The following KCTD20 variants were observed in gnomAD, a reference collection of about 807,000 sequenced individuals.
KCTD20 encodes BTB/POZ domain-containing protein KCTD20.
Under a neutral mutation model 39.6 loss-of-function variants are expected in KCTD20, and 30 were observed. The ratio of observed to expected loss-of-function variants is 0.76; its 90% CI spans 0.57 to 1.03. The LOEUF is 1.03. KCTD20 is among the 50% of genes least tolerant of loss of function. KCTD20 has a pLI of 0.00. For synonymous variants in KCTD20, 162 were observed against 180.6 expected, an observed-to-expected ratio of 0.90 and a Z score of 0.83; for missense variants, 422 against 522.0, an observed-to-expected ratio of 0.81 and a Z score of 1.87.
At chr6:36,485,835 G>T (rs1390354737) in intron 7 of KCTD20, among the ~76,000 whole-genome samples, 2 of 151,870 alleles carry the variant, frequency 1.3e-5, no homozygotes, top group Non-Finnish European at 2.9e-5. Context: ...TGCTACTCTT[G>T]TTGCCTCATT....
rs757222247 is a variant in KCTD20, at chr6:36,479,264, G to A, written c.537+41G>A. On this transcript the variant is annotated intron_variant, in intron 4 of 7. Coordinates refer to ENST00000373731, the MANE Select transcript of KCTD20 (RefSeq NM_173562.5). ...TTTTGTTACATTCTCTTCCTCAGGG[G>A]CATGTGTGATCAATAGCCTTGAGAG... The A allele has an allele frequency of 1.7e-5, 24 of 1,395,386 alleles. No homozygotes were observed. The African/African-American group carries it at 3.2e-4, about 18-fold the overall frequency. The allele number at this position is 1,395,386 out of a possible 1,614,324, so 86.4% of individuals were successfully genotyped here.
chr6:36,485,969 A>G (rs1449112464), intron 7 of KCTD20, among the ~76,000 whole-genome samples: 5 of 152,052 alleles, frequency 3.3e-5, no homozygotes, highest in South Asian at 2.1e-4. Flanking sequence ...CAGTGACACA[A>G]TCATGGCTCA....
Position 36,470,225 on chromosome 6 carries a change from A to G in KCTD20, c.128A>G (p.Asn43Ser), listed in dbSNP as rs374014874. 9 of 1,613,736 alleles carry G rather than the reference A, an allele frequency of 5.6e-6. No individual in the cohort carries two copies. Among genetic ancestry groups the G allele is most frequent in the Non-Finnish European group, 7.6e-6 (9 of 1,179,752 alleles). The change falls in exon 2 of 8, where the codon AAT (asparagine) becomes AGT (serine). Residue 43 changes from asparagine to serine, a missense_variant. Transcript: ENST00000373731. The part of the protein sequence containing the change: ...ANSLASSGPH[N>S]LTYPLGPRNE... ...AGCCTGGCTTCATCTGGTCCTCATAATCTTACTTATCCTCTAGGTCCCAGG... is the reference window on the plus strand; with the variant it reads ...AGCCTGGCTTCATCTGGTCCTCATAGTCTTACTTATCCTCTAGGTCCCAGG...
At chr6:36,445,381 A>G (rs1164435413) in intron 1 of KCTD20, among the ~76,000 whole-genome samples, 1 of 151,740 alleles carries the variant, frequency 6.6e-6, no homozygotes, top group East Asian at 1.9e-4. Context: ...AGATGAGGTT[A>G]GAATTAGGCC....
At chr6:36,483,606 C>G (rs1776329596) in intron 6 of KCTD20, among the ~76,000 whole-genome samples, 1 of 152,074 alleles carries the variant, frequency 6.6e-6, no homozygotes, top group South Asian at 2.1e-4. Context: ...CCTCAAACTC[C>G]TAGTCTTAAG....
chr6:36,461,639 G>C (rs926074796), intron 1 of KCTD20, among the ~76,000 whole-genome samples: 1 of 152,100 alleles, frequency 6.6e-6, no homozygotes, highest in Non-Finnish European at 1.5e-5. Context: ...GTGCACAAAA[G>C]CTGTCTTTCA....
At chr6:36,456,964 AT>A (rs1343432145) in intron 1 of KCTD20, among the ~76,000 whole-genome samples, 3 of 152,028 alleles carry the variant, frequency 2.0e-5, no homozygotes, top group African/African-American at 7.2e-5. Flanking sequence ...TGCCTGGCTA[AT>A]TTTTTTGTAT....
Position 36,469,398 on chromosome 6 carries a change from T to C in KCTD20, c.-46-654T>C, listed in dbSNP as rs1775848119. Reference sequence around the variant, plus strand: ...TTGCACGTGGCAGTCACATAGTGTGTGTTGTTCATGGGGACTCTGCACTGC... The same window carrying C: ...TTGCACGTGGCAGTCACATAGTGTGCGTTGTTCATGGGGACTCTGCACTGC... On this transcript the variant is annotated intron_variant, in intron 1 of 7. Coordinates refer to ENST00000373731, the MANE Select transcript of KCTD20 (RefSeq NM_173562.5). The surrounding 1 kb of genome is among the most constrained non-coding windows in gnomAD (Gnocchi z 4.6). Among the ~76,000 whole-genome samples the C allele has an allele frequency of 6.6e-6, 1 of 152,172 alleles. No homozygotes were observed.
rs1412181908 is a variant in KCTD20 at position 36,462,502 on chromosome 6, A to AG, written c.-46-7549dup. ...CACTTGAGGAGCGTGTTACAAGTTC[A>AG]GATTCTCCAGACCCAACTAAAGACT... On this transcript the variant is annotated intron_variant, in intron 1 of 7. Transcript: ENST00000373731. Among the ~76,000 whole-genome samples, 67 of 152,332 alleles carry AG rather than the reference A, an allele frequency of 4.4e-4. 1 individual carries two copies. The East Asian group carries it at 0.013, about 28-fold the overall frequency.
intron 1 of KCTD20, among the ~76,000 whole-genome samples, chr6:36,457,950 C>T (rs1775486151): frequency 6.6e-6 from 1 of 151,946 alleles, no homozygotes; most frequent in Admixed American, 6.6e-5. Context: ...GTTTGAGATC[C>T]CAGATTTTGA....
intron 1 of KCTD20, among the ~76,000 whole-genome samples, chr6:36,461,698 A>T (rs888459126): frequency 2.6e-5 from 4 of 152,166 alleles, no homozygotes; most frequent in Admixed American, 1.3e-4. Flanking sequence ...ATAGTCTTTT[A>T]TGTAAGTTAA....
intron 1 of KCTD20, among the ~76,000 whole-genome samples, chr6:36,448,185 C>T (rs181260563): frequency 2.4e-3 from 371 of 151,994 alleles, no homozygotes; most frequent in African/African-American, 8.5e-3. Context: ...TTCTAGTTGT[C>T]GCTGTCACTG....
Position 36,474,988 on chromosome 6 carries a change from G to A in KCTD20, c.360G>A (p.Thr120=), listed in dbSNP as rs756567410. The change falls in exon 3 of 8, where the codon ACG becomes ACA. Residue 120 remains threonine (T), a synonymous_variant. Transcript: ENST00000373731. The part of the protein sequence containing the change: ...NSHSQAPEKV[T]LLVDGTRFVV... ...ATTCCCAAGCACCAGAGAAAGTGAC[G>A]CTTCTTGTAGATGGCACACGTTTTG... 19 of 1,613,966 alleles carry A rather than the reference G, an allele frequency of 1.2e-5. No homozygotes were observed. The East Asian group carries it at 2.0e-4, about 17-fold the overall frequency.
chr6:36,472,089 C>T (rs1321480543), intron 2 of KCTD20, among the ~76,000 whole-genome samples: 1 of 152,124 alleles, frequency 6.6e-6, no homozygotes, highest in Non-Finnish European at 1.5e-5. Flanking sequence ...ACCTCATGAT[C>T]CGCCCGCCTC....
At chr6:36,460,493 C>CG (rs1239335581) in intron 1 of KCTD20, among the ~76,000 whole-genome samples, 3 of 152,054 alleles carry the variant, frequency 2.0e-5, no homozygotes, top group African/African-American at 7.2e-5. Context: ...TTAATAGAGA[C>CG]GGGGTTTCAC....
rs1483548622 is a variant in KCTD20, at chr6:36,450,424, G to C, written c.-47+7313G>C. On this transcript the variant is annotated intron_variant, in intron 1 of 7. Coordinates refer to ENST00000373731, the MANE Select transcript of KCTD20 (RefSeq NM_173562.5). ...AATCGCTTGAACCTGGGAGGCAGAG[G>C]TTGCAGTGAGCTGAGATTGTGCCAC... Among the ~76,000 whole-genome samples, 12 of 150,012 alleles carry C rather than the reference G, an allele frequency of 8.0e-5. No homozygotes were observed. In the Admixed American group the frequency reaches 8.0e-4, roughly 10 times the overall value.
chr6:36,482,281 C>T (rs1157450923), intron 6 of KCTD20, among the ~76,000 whole-genome samples: 5 of 152,190 alleles, frequency 3.3e-5, no homozygotes, highest in Non-Finnish European at 7.3e-5. Flanking sequence ...GGGCCGGGCG[C>T]GGTAGCTCAT....
intron 7 of KCTD20, among the ~76,000 whole-genome samples, chr6:36,485,099 G>A (rs1278868109): frequency 6.6e-6 from 1 of 152,138 alleles, no homozygotes; most frequent in East Asian, 1.9e-4. Context: ...GATACAGCAG[G>A]GCTTGTGGGC....
intron 1 of KCTD20, among the ~76,000 whole-genome samples, chr6:36,448,011 G>GTA (rs1209536579): frequency 3.3e-4 from 5 of 15,154 alleles, no homozygotes; most frequent in Admixed American, 1.9e-3. Context: ...GTGTATGTGT[G>GTA]TGTGTATATA....
Sources: allele counts gnomAD v4.1 joint callset (sites outside exome capture counted in the v4.1 genomes callset), GRCh38; gene constraint gnomAD v4.1.1; non-coding constraint Gnocchi (gnomAD v3.1); transcripts MANE v1.5; gene names NCBI Gene and HGNC (gene_info 2026-07-23, HGNC 2026-07-21).